Variants in PTPN13 observed in about 807,000 individuals in gnomAD.
PTPN13 encodes protein tyrosine phosphatase non-receptor type 13, also known as tyrosine-protein phosphatase non-receptor type 13.
A neutral mutation model predicts 284.0 loss-of-function variants in PTPN13; 191 were observed. The ratio of observed to expected loss-of-function variants is 0.67; its 90% CI spans 0.60 to 0.76. The LOEUF (loss-of-function observed/expected upper bound fraction) is 0.76. Ranked by LOEUF, PTPN13 falls within the 30% of genes least tolerant of loss-of-function variation. PTPN13 has a pLI of 0.00. For synonymous variants in PTPN13, 986 were observed against 1,022.3 expected (o/e 0.96, Z 0.68); for missense variants, 2,797 against 2,939.9 (o/e 0.95, Z 1.12).
In PTPN13 at chr4:86,753,117, C is replaced by G. The variant is rs1025623018; in HGVS notation, c.3223+52C>G. The G allele has an allele frequency of 1.7e-5, 24 of 1,388,636 alleles. 1 individual carries two copies. The South Asian group carries it at 2.9e-4, about 17-fold the overall frequency. The allele number at this position is 1,388,636 out of a possible 1,614,324, so 86.0% of individuals were successfully genotyped here. A position where few individuals can be genotyped will look rare whatever the true frequency, so the allele number is the denominator to read the frequency against. On this transcript the variant is annotated intron_variant, in intron 20 of 47. Coordinates refer to ENST00000411767, the MANE Select transcript of PTPN13 (RefSeq NM_080683.3). ...CATTTCCATCATTTCTTGTACCTTA[C>G]TGAGATAGTCTTGGACCTAACAATG... is the stretch of plus-strand genomic sequence containing the variant.
chr4:86,648,898 G>A (rs973915787), intron 2 of PTPN13, among the ~76,000 whole-genome samples: 2 of 152,010 alleles, frequency 1.3e-5, no homozygotes, highest in South Asian at 4.2e-4. Flanking sequence ...ATTTATGATT[G>A]CCTTTCTTTT....
chr4:86,745,979 G>T (rs2149187354), intron 17 of PTPN13, among the ~76,000 whole-genome samples: 1 of 152,228 alleles, frequency 6.6e-6, no homozygotes, highest in African/African-American at 2.4e-5. Context: ...ACAAGGCAGA[G>T]GATGGGGGAA....
At chr4:86,685,684 A>G (rs1729370077) in intron 3 of PTPN13, among the ~76,000 whole-genome samples, 1 of 152,260 alleles carries the variant, frequency 6.6e-6, no homozygotes, top group Non-Finnish European at 1.5e-5. Context: ...CAAAACGCCA[A>G]GTCTTTGTAA....
chr4:86,620,304 CA>C lies in PTPN13; in HGVS notation c.-5-14947del, dbSNP rs749315682. Reference sequence around the variant, plus strand: ...CCACAGCCTCCCAGGTAGCTGGGACCACAGGCACACACCACCATAGCCAGCT... The same window carrying C: ...CCACAGCCTCCCAGGTAGCTGGGACCCAGGCACACACCACCATAGCCAGCT... On this transcript the variant is annotated intron_variant, in intron 1 of 47. Transcript: ENST00000411767. Among the ~76,000 whole-genome samples, 166 of 152,184 alleles carry C rather than the reference CA, an allele frequency of 1.1e-3. 1 individual carries two copies. Among genetic ancestry groups the C allele is most frequent in the Admixed American group, 1.8e-3 (27 of 15,292 alleles).
intron 5 of PTPN13, among the ~76,000 whole-genome samples, chr4:86,693,356 A>G (rs915542763): frequency 1.3e-5 from 2 of 152,172 alleles, no homozygotes; most frequent in Non-Finnish European, 2.9e-5. Context: ...GTTACTCTTC[A>G]GTCACTGCTT....
Position 86,693,614 on chromosome 4 carries a change from CA to C in PTPN13, c.578del (p.Lys193SerfsTer28). 6.4e-7 allele frequency: 1 copy of C among 1,555,610 alleles called. No homozygotes were observed. Among genetic ancestry groups the C allele is most frequent in the East Asian group, 2.4e-5 (1 of 42,490 alleles). Reference sequence around the variant, plus strand: ...AGATCAGCTTTCCTGTAACAGTGAACAAAAGCCTGATCGAAGCCAGGCTATT... The same window carrying C: ...AGATCAGCTTTCCTGTAACAGTGAACAAAGCCTGATCGAAGCCAGGCTATT... Reference protein sequence around the residue: ...GTDQLSCNSEQKPDRSQAIRD... With the variant: ...GTDQLSCNSEXKPDRSQAIRD... On this transcript the variant is annotated frameshift_variant, in exon 6 of 48. Transcript: ENST00000411767. LOFTEE classifies it high-confidence loss of function.
intron 40 of PTPN13, among the ~76,000 whole-genome samples, chr4:86,794,182 G>C (rs528515294): frequency 7.6e-4 from 116 of 152,220 alleles, no homozygotes; most frequent in Non-Finnish European, 5.0e-4. Context: ...ATCTCCTTAA[G>C]CTGATAAGCA....
intron 20 of PTPN13, among the ~76,000 whole-genome samples, chr4:86,757,173 ATGAT>A (rs1738079151): frequency 6.6e-6 from 1 of 152,158 alleles, no homozygotes; most frequent in Non-Finnish European, 1.5e-5. Flanking sequence ...TTAATTGTGA[ATGAT>A]TAGCCTACTT....
chr4:86,799,825 CTTTTT>C (rs925434357), intron 42 of PTPN13, among the ~76,000 whole-genome samples: 18 of 83,220 alleles, frequency 2.2e-4, no homozygotes, highest in African/African-American at 6.8e-4. Flanking sequence ...TCAAGGGGCA[CTTTTT>C]TTTTTTTTTT....
chr4:86,679,597 A>G (rs1445106017), intron 3 of PTPN13, among the ~76,000 whole-genome samples: 2 of 152,236 alleles, frequency 1.3e-5, no homozygotes, highest in African/African-American at 4.8e-5. Flanking sequence ...CAGTTCCTCT[A>G]TGCCATATTT....
At chr4:86,751,312 G>A (rs1737359543) in intron 19 of PTPN13, among the ~76,000 whole-genome samples, 188 bp downstream of exon 19, 1 of 152,166 alleles carries the variant, frequency 6.6e-6, no homozygotes, top group South Asian at 2.1e-4. Context: ...TTGCTTCATG[G>A]TACAGACTAT....
At chr4:86,648,164 T>C (rs1308405051) in intron 2 of PTPN13, among the ~76,000 whole-genome samples, 1 of 152,148 alleles carries the variant, frequency 6.6e-6, no homozygotes, top group Non-Finnish European at 1.5e-5. Context: ...CTCTGTGTAA[T>C]GGTCAAGTCA....
intron 2 of PTPN13, among the ~76,000 whole-genome samples, chr4:86,665,124 A>G (rs1283033695): frequency 1.3e-5 from 2 of 152,190 alleles, no homozygotes; most frequent in South Asian, 2.1e-4. Context: ...GGAAGTACAT[A>G]ACAAAACACA....
In PTPN13 at chr4:86,784,538, C is replaced by T; in HGVS notation, c.6098C>T (p.Pro2033Leu). 2 of 1,606,350 alleles carry T rather than the reference C, an allele frequency of 1.2e-6. No homozygotes were observed. Among genetic ancestry groups the T allele is most frequent in the Non-Finnish European group, 1.7e-6 (2 of 1,176,838 alleles). Residue 2033 changes from proline (P) to leucine (L), a missense_variant, in exon 38 of 48, where the codon CCA (proline) becomes CTA (leucine). Pro to Leu is a moderately conservative substitution (Grantham distance 98). Coordinates refer to ENST00000411767, the MANE Select transcript of PTPN13 (RefSeq NM_080683.3). Reference sequence around the variant, plus strand: ...TCTACTTATCAGATAAAGGGATCACCAAACTTGACTCTGCCCAAAGGTAGT... The same window carrying T: ...TCTACTTATCAGATAAAGGGATCACTAAACTTGACTCTGCCCAAAGGTAGT... Reference protein sequence around the residue: ...KCSTYQIKGSPNLTLPKESYI... With the variant: ...KCSTYQIKGSLNLTLPKESYI...
intron 2 of PTPN13, among the ~76,000 whole-genome samples, chr4:86,642,003 T>A (rs1723852021): frequency 6.6e-6 from 1 of 152,174 alleles, no homozygotes; most frequent in Non-Finnish European, 1.5e-5. Flanking sequence ...TTGTCTGTCT[T>A]CTTCTGTAGT....
In PTPN13 at chr4:86,685,298, G is replaced by GAAAAACA. The variant is rs554510852; in HGVS notation, c.295-1398_295-1392dup. On this transcript the variant is annotated intron_variant, in intron 3 of 47. Coordinates refer to ENST00000411767, the MANE Select transcript of PTPN13 (RefSeq NM_080683.3). ...AAATGCAAATCAAAACTGCAGTGAG[G>GAAAAACA]AAAAACAAAAAACAAAAAACTGCAG... Among the ~76,000 whole-genome samples the GAAAAACA allele has an allele frequency of 5.8e-3, 883 of 152,088 alleles. 5 individuals carry two copies. The highest frequency in any genetic ancestry group is 8.4e-3 in the Non-Finnish European group (571 of 67,968).
In PTPN13 at chr4:86,680,772, T is replaced by C. The variant is rs1728815089; in HGVS notation, c.295-5938T>C. The stretch of plus-strand genomic sequence containing the variant: ...TACCTTATGACTCCTCTTTTTTAGA[T>C]GCACAGGCTGTAGCCAGTGATTATT... On this transcript the variant is annotated intron_variant, in intron 3 of 47. Transcript: ENST00000411767. Among the ~76,000 whole-genome samples the C allele has an allele frequency of 5.3e-5, 8 of 152,338 alleles. No homozygotes were observed. The South Asian group carries it at 1.7e-3, about 32-fold the overall frequency.
chr4:86,784,360 T>C, intron 37 of PTPN13, 105 bp from the exon 38 acceptor site: 1 of 708,070 alleles, frequency 1.4e-6, no homozygotes, highest in Non-Finnish European at 2.3e-6. Context: ...AGATGTAAAA[T>C]GGATCTTGTA....
intron 23 of PTPN13, among the ~76,000 whole-genome samples, chr4:86,762,463 G>A (rs1271226937): frequency 1.3e-5 from 2 of 152,182 alleles, no homozygotes; most frequent in Non-Finnish European, 2.9e-5. Context: ...AATCAGTAGA[G>A]TCTCCACAGA....
Sources: allele counts gnomAD v4.1 joint callset (sites outside exome capture counted in the v4.1 genomes callset), GRCh38; gene constraint gnomAD v4.1.1; transcripts MANE v1.5; gene names NCBI Gene and HGNC (gene_info 2026-07-23, HGNC 2026-07-21).